TBC1D5: variants seen among roughly 807,000 people sequenced by gnomAD.
TBC1D5 encodes the protein TBC1 domain family, member 5.
A neutral mutation model predicts 100.3 loss-of-function variants in TBC1D5; 75 were observed. The observed-to-expected ratio is 0.75, with a 90% CI of 0.62 to 0.91. TBC1D5 has a LOEUF of 0.91. TBC1D5 is among the 40% of genes least tolerant of loss of function. TBC1D5 has a pLI of 0.00. For synonymous variants in TBC1D5, 323 were observed against 325.6 expected (o/e 0.99, Z 0.09); for missense variants, 910 against 942.4 (o/e 0.97, Z 0.45).
At chr3:17,621,638 T>C (rs1397997056) in intron 2 of TBC1D5, among the ~76,000 whole-genome samples, 1 of 152,160 alleles carries the variant, frequency 6.6e-6, no homozygotes, top group East Asian at 1.9e-4. Flanking sequence ...CTGTTTCCCC[T>C]AACCAGAGAC....
At chr3:17,553,918 G>C (rs1413158080) in intron 2 of TBC1D5, among the ~76,000 whole-genome samples, 1 of 152,162 alleles carries the variant, frequency 6.6e-6, no homozygotes, top group Admixed American at 6.5e-5. Context: ...GGAACTTGTT[G>C]AATTTTCTAT....
chr3:17,297,358 T>C (rs1281835874), intron 14 of TBC1D5, among the ~76,000 whole-genome samples: 1 of 152,126 alleles, frequency 6.6e-6, no homozygotes, highest in Non-Finnish European at 1.5e-5. Flanking sequence ...GGGCGGATCA[T>C]GAGGTCAGGA....
intron 1 of TBC1D5, among the ~76,000 whole-genome samples, chr3:17,712,629 G>C (rs903053795): frequency 1.3e-5 from 2 of 152,090 alleles, no homozygotes; most frequent in African/African-American, 4.8e-5. Flanking sequence ...TCGGGAATAC[G>C]AGAGTCCCAC....
chr3:17,412,746 T>C (rs142257594), intron 4 of TBC1D5, among the ~76,000 whole-genome samples: 3 of 152,094 alleles, frequency 2.0e-5, no homozygotes, highest in Non-Finnish European at 4.4e-5. Flanking sequence ...TCTTTATGAA[T>C]GAGGAAAGTA....
intron 8 of TBC1D5, among the ~76,000 whole-genome samples, chr3:17,387,247 C>A (rs1356170547): frequency 6.6e-6 from 1 of 152,072 alleles, no homozygotes; most frequent in Non-Finnish European, 1.5e-5. Context: ...ATTATCCAGT[C>A]CAACTCAGAG....
intron 1 of TBC1D5, among the ~76,000 whole-genome samples, chr3:17,704,968 A>G (rs1262610803): frequency 1.0e-5 from 1 of 98,462 alleles, no homozygotes; most frequent in African/African-American, 4.0e-5. Flanking sequence ...GGCGCCCCTC[A>G]CCTCCCAGAC....
chr3:17,406,140 G>A (rs1231364001), intron 5 of TBC1D5, among the ~76,000 whole-genome samples: 1 of 152,062 alleles, frequency 6.6e-6, no homozygotes, highest in Non-Finnish European at 1.5e-5. Context: ...AAGAGCCTCT[G>A]GGGAGTGTAA....
chr3:17,212,084 G>C (rs1361528262), intron 18 of TBC1D5, among the ~76,000 whole-genome samples: 1 of 149,656 alleles, frequency 6.7e-6, no homozygotes. Flanking sequence ...TTAATAGTTT[G>C]TTTGTTTTTC....
At chr3:17,314,147 C>T (rs1323385308) in intron 13 of TBC1D5, among the ~76,000 whole-genome samples, 2 of 152,164 alleles carry the variant, frequency 1.3e-5, no homozygotes. Flanking sequence ...CAAATCTCAG[C>T]TAAATAGTTA....
intron 1 of TBC1D5, among the ~76,000 whole-genome samples, chr3:17,726,440 AT>A (rs2076135844): frequency 6.6e-6 from 1 of 152,112 alleles, no homozygotes; most frequent in South Asian, 2.1e-4. Context: ...TGTGGGTTTG[AT>A]TTGCATTTCC....
At chr3:17,177,905 T>TTA (rs2067970523) in intron 19 of TBC1D5, among the ~76,000 whole-genome samples, 1 of 152,176 alleles carries the variant, frequency 6.6e-6, no homozygotes, top group African/African-American at 2.4e-5. Context: ...ATTCTACTCT[T>TTA]TATCTCCATG....
intron 1 of TBC1D5, among the ~76,000 whole-genome samples, chr3:17,657,037 C>T (rs190765112): frequency 1.4e-3 from 208 of 152,178 alleles, no homozygotes; most frequent in African/African-American, 4.8e-3. Flanking sequence ...TTGATAGAAA[C>T]TTGCCCAAGG....
intron 2 of TBC1D5, among the ~76,000 whole-genome samples, chr3:17,612,962 T>C (rs2061805365): frequency 6.6e-6 from 1 of 151,936 alleles, no homozygotes; most frequent in African/African-American, 2.4e-5. Flanking sequence ...TGTATACATG[T>C]GCCATGTTGG....
chr3:17,251,141 T>C (rs1211008671), intron 16 of TBC1D5, among the ~76,000 whole-genome samples: 2 of 152,174 alleles, frequency 1.3e-5, no homozygotes, highest in Admixed American at 1.3e-4. Flanking sequence ...CACTTCTATA[T>C]GGAGCCCTGA....
chr3:17,437,562 ATGTGTG>A (rs60714048), intron 3 of TBC1D5, among the ~76,000 whole-genome samples: 1 of 139,954 alleles, frequency 7.1e-6, no homozygotes, highest in Non-Finnish European at 1.6e-5. Flanking sequence ...GGTAGTATGC[ATGTGTG>A]TGTGTGTGTG....
intron 1 of TBC1D5, among the ~76,000 whole-genome samples, chr3:17,713,488 C>T (rs141974484): frequency 0.01 from 1,575 of 152,160 alleles, 30 homozygotes; most frequent in African/African-American, 0.035. Flanking sequence ...ATGATCCGCC[C>T]GCCTTGGCCT....
chr3:17,223,170 G>A (rs2074466325), intron 17 of TBC1D5, among the ~76,000 whole-genome samples: 2 of 152,062 alleles, frequency 1.3e-5, no homozygotes, highest in Non-Finnish European at 2.9e-5. Context: ...ATCTTCAGAA[G>A]CTTTCCAGGT....
intron 13 of TBC1D5, 44 bp from the exon 14 acceptor site, chr3:17,308,178 G>C (rs191491303): frequency 1.3e-6 from 2 of 1,500,226 alleles, no homozygotes; most frequent in African/African-American, 2.9e-5. Flanking sequence ...GTACTTTTGA[G>C]AATAAAGAGT....
chr3:17,371,158 T>C (rs1201046677), intron 13 of TBC1D5, among the ~76,000 whole-genome samples: 1 of 152,086 alleles, frequency 6.6e-6, no homozygotes, highest in Non-Finnish European at 1.5e-5. Context: ...ACAGAAGTTA[T>C]GTGGCTGAAG....
Sources: allele counts gnomAD v4.1 joint callset (sites outside exome capture counted in the v4.1 genomes callset), GRCh38; gene constraint gnomAD v4.1.1; transcripts MANE v1.5; gene names NCBI Gene and HGNC (gene_info 2026-07-23, HGNC 2026-07-21).